CTNNA2: variants seen among roughly 807,000 people sequenced by gnomAD.
The protein encoded by CTNNA2 is catenin alpha 2, also known as catenin alpha-2.
In CTNNA2, 42 loss-of-function variants were observed where a neutral mutation model predicts 101.0. The observed-to-expected ratio is 0.42, with a 90% CI of 0.32 to 0.54. CTNNA2 has a LOEUF of 0.54. Among genes scored for constraint, CTNNA2 ranks in the 20% least tolerant of loss-of-function variants. The pLI is 0.14. For synonymous variants in CTNNA2, 450 were observed against 456.4 expected (o/e 0.99, Z 0.18); for missense variants, 871 against 1,223.1 (o/e 0.71, Z 4.29).
chr2:80,369,932 A>G (rs749127481), intron 7 of CTNNA2, among the ~76,000 whole-genome samples: 6 of 152,178 alleles, frequency 3.9e-5, no homozygotes, highest in Non-Finnish European at 7.4e-5. Flanking sequence ...TTTCAATGCT[A>G]TAGGATTTCT....
chr2:79,796,676 T>A (rs1573991644), intron 3 of CTNNA2, among the ~76,000 whole-genome samples: 1 of 151,962 alleles, frequency 6.6e-6, no homozygotes, highest in Non-Finnish European at 1.5e-5. Flanking sequence ...AGGTCCAGGG[T>A]TTCAAGCCAA....
At chr2:80,602,202 T>TC (rs1697611774) in intron 15 of CTNNA2, 1 of 152,102 alleles carries the variant, frequency 6.6e-6, no homozygotes, top group African/African-American at 2.4e-5. Context: ...ACTTTTTTTT[T>TC]CCTAACATAC....
intron 3 of CTNNA2, among the ~76,000 whole-genome samples, chr2:79,352,167 A>C (rs1677404383): frequency 1.3e-5 from 2 of 152,032 alleles, no homozygotes; most frequent in Non-Finnish European, 2.9e-5. Flanking sequence ...TTTCTCTAAT[A>C]AGTCGTGATA....
intron 7 of CTNNA2, among the ~76,000 whole-genome samples, chr2:80,049,998 T>C (rs896308647): frequency 6.6e-6 from 1 of 152,082 alleles, no homozygotes; most frequent in Non-Finnish European, 1.5e-5. Context: ...AGGAGCGATG[T>C]CTCTCCTGCC....
At chr2:79,216,290 G>A (rs1438073882) in intron 2 of CTNNA2, among the ~76,000 whole-genome samples, 4 of 151,178 alleles carry the variant, frequency 2.6e-5, no homozygotes, top group Non-Finnish European at 4.4e-5. Context: ...GAGGAATGGA[G>A]GGTGGAAGGT....
intron 7 of CTNNA2, among the ~76,000 whole-genome samples, chr2:80,133,043 A>G (rs1001906161): frequency 2.0e-5 from 3 of 152,214 alleles, no homozygotes; most frequent in African/African-American, 7.2e-5. Context: ...TCAAGTTAAG[A>G]TGAGGTCATT....
chr2:80,337,584 C>T (rs1419543741), intron 7 of CTNNA2, among the ~76,000 whole-genome samples: 1 of 151,732 alleles, frequency 6.6e-6, no homozygotes, highest in African/African-American at 2.4e-5. Flanking sequence ...CCTTCCCACA[C>T]ATGCTGCAGG....
At chr2:80,618,982 A>C in intron 17 of CTNNA2, 103 bp from the exon 18 acceptor site, 1 of 654,570 alleles carries the variant, frequency 1.5e-6, no homozygotes, top group Non-Finnish European at 2.3e-6. Context: ...CCAATTACCC[A>C]TTCCCTCTTC....
At chr2:80,332,186 C>A (rs1157148922) in intron 7 of CTNNA2, among the ~76,000 whole-genome samples, 1 of 152,106 alleles carries the variant, frequency 6.6e-6, no homozygotes, top group Non-Finnish European at 1.5e-5. Flanking sequence ...CAGTGTTTCT[C>A]CTTAAACAAA....
intron 7 of CTNNA2, among the ~76,000 whole-genome samples, chr2:80,191,117 T>C (rs996616005): frequency 1.3e-5 from 2 of 152,208 alleles, no homozygotes; most frequent in Non-Finnish European, 2.9e-5. Context: ...TCAGACAGCA[T>C]TTTCCTGGAC....
chr2:80,521,642 A>C (rs1438645879), intron 9 of CTNNA2, among the ~76,000 whole-genome samples: 1 of 152,112 alleles, frequency 6.6e-6, no homozygotes, highest in African/African-American at 2.4e-5. Context: ...CTTGGAGATA[A>C]AAAGGAGCTA....
At chr2:80,267,089 G>A (rs1381331267) in intron 7 of CTNNA2, among the ~76,000 whole-genome samples, 3 of 152,120 alleles carry the variant, frequency 2.0e-5, no homozygotes, top group African/African-American at 7.2e-5. Context: ...TCTCCAGAGG[G>A]ACACCGCCTC....
At chr2:79,307,977 AT>A (rs368879515) in intron 2 of CTNNA2, among the ~76,000 whole-genome samples, 1 of 152,034 alleles carries the variant, frequency 6.6e-6, no homozygotes, top group Admixed American at 6.6e-5. Flanking sequence ...GATGTTGAGC[AT>A]TTTTTTGATA....
At chr2:80,473,400 C>T (rs1041604395) in intron 9 of CTNNA2, among the ~76,000 whole-genome samples, 12 of 152,106 alleles carry the variant, frequency 7.9e-5, no homozygotes, top group African/African-American at 2.2e-4. Flanking sequence ...TCTAAAATGT[C>T]GATTTTCTTT....
At chr2:80,088,303 A>G (rs1699575221) in intron 7 of CTNNA2, among the ~76,000 whole-genome samples, 1 of 152,024 alleles carries the variant, frequency 6.6e-6, no homozygotes, top group Non-Finnish European at 1.5e-5. Flanking sequence ...TATGATTCCT[A>G]CAAGGCAGAC....
chr2:79,834,784 A>G (rs1031277528), intron 3 of CTNNA2, among the ~76,000 whole-genome samples: 7 of 152,020 alleles, frequency 4.6e-5, no homozygotes, highest in African/African-American at 1.7e-4. Flanking sequence ...TTCTAACCCA[A>G]TATCATAAAT....
At chr2:79,259,063 C>T (rs1674886956) in intron 2 of CTNNA2, among the ~76,000 whole-genome samples, 1 of 152,110 alleles carries the variant, frequency 6.6e-6, no homozygotes, top group Non-Finnish European at 1.5e-5. Flanking sequence ...TCTAAACTGA[C>T]AAGTCCTAAG....
intron 7 of CTNNA2, among the ~76,000 whole-genome samples, chr2:80,380,591 A>G (rs1171105935): frequency 1.3e-5 from 2 of 152,196 alleles, no homozygotes; most frequent in Admixed American, 6.5e-5. Flanking sequence ...CTGAAAAGGT[A>G]TAAGCTTGTA....
At chr2:80,632,277 AACACACAC>A (rs141371762) in intron 18 of CTNNA2, among the ~76,000 whole-genome samples, 5 of 147,692 alleles carry the variant, frequency 3.4e-5, no homozygotes, top group Admixed American at 3.4e-4. Context: ...CCCCCACCCC[AACACACAC>A]ACACACACAC....
Sources: allele counts gnomAD v4.1 joint callset (sites outside exome capture counted in the v4.1 genomes callset), GRCh38; gene constraint gnomAD v4.1.1; transcripts MANE v1.5; gene names NCBI Gene and HGNC (gene_info 2026-07-23, HGNC 2026-07-21).